The following COLGALT1 variants were observed in gnomAD, a reference collection of about 807,000 sequenced individuals.
COLGALT1 encodes the protein procollagen galactosyltransferase 1.
A neutral mutation model predicts 60.8 loss-of-function variants in COLGALT1; 43 were observed. That is an observed-to-expected ratio of 0.71 (90% CI 0.55 to 0.91). The LOEUF is 0.91. COLGALT1 is among the 40% of genes least tolerant of loss of function. COLGALT1 has a pLI of 0.00. For synonymous variants in COLGALT1, 369 were observed against 374.2 expected (o/e 0.99, Z 0.16); for missense variants, 845 against 880.0 (o/e 0.96, Z 0.50).
chr19:17,562,391 G>A (rs1012170575), intron 3 of COLGALT1, among the ~76,000 whole-genome samples: 43 of 152,074 alleles, frequency 2.8e-4, no homozygotes, highest in African/African-American at 9.2e-4. Context: ...GACCAGGCGC[G>A]GTGGCTCATG....
rs576650060 is a variant in COLGALT1, at chr19:17,559,686, G to T, written c.371+265G>T. Among the ~76,000 whole-genome samples the T allele has an allele frequency of 8.5e-5, 13 of 152,180 alleles. No homozygotes were observed. The South Asian group carries it at 2.7e-3, about 32-fold the overall frequency. On this transcript the variant is annotated intron_variant, in intron 2 of 11. Coordinates refer to ENST00000252599, the MANE Select transcript of COLGALT1 (RefSeq NM_024656.4). The stretch of plus-strand genomic sequence containing the variant: ...GGGACGCCCACTGCTTTGTTCCCTG[G>T]CTCACTGACTCAGTCTTGGTCCCAG...
chr19:17,569,195 A>C (rs2144830212), intron 5 of COLGALT1, among the ~76,000 whole-genome samples: 1 of 152,226 alleles, frequency 6.6e-6, no homozygotes, highest in South Asian at 2.1e-4. Flanking sequence ...CTGGGCAACA[A>C]AGTAAGAATC....
rs1465396700 is a variant in COLGALT1, at chr19:17,555,867, C to T, written c.154C>T (p.Pro52Ser). 3.1e-5 allele frequency: 43 copies of T among 1,378,340 alleles called. No homozygotes were observed. The highest frequency in any genetic ancestry group is 3.9e-5 in the Non-Finnish European group (41 of 1,062,174). 85.4% of individuals were successfully genotyped at this position (1,378,340 alleles called of 1,614,324 possible). The change falls in exon 1 of 12, where the codon CCG becomes TCG. Residue 52 changes from proline (P) to serine (S), a missense_variant. Pro to Ser is a moderately conservative substitution (Grantham distance 74). Transcript: ENST00000252599. ...RWSPESPLQA[P>S]RVLIALLARN... The stretch of plus-strand genomic sequence containing the variant: ...GAGCCCGGAGTCGCCCCTGCAGGCG[C>T]CGCGCGTGCTCATCGCGCTGTTGGC...
chr19:17,558,888 G>T (rs1001842282), intron 1 of COLGALT1, among the ~76,000 whole-genome samples: 1 of 151,942 alleles, frequency 6.6e-6, no homozygotes, highest in Non-Finnish European at 1.5e-5. Flanking sequence ...GGCCGGGCGC[G>T]GTGGCTCACG....
intron 1 of COLGALT1, among the ~76,000 whole-genome samples, chr19:17,557,943 T>C (rs1045331890): frequency 3.3e-5 from 5 of 151,910 alleles, no homozygotes; most frequent in Non-Finnish European, 5.9e-5. Flanking sequence ...ATTTTTTATT[T>C]ATTTATTTTT....
intron 4 of COLGALT1, among the ~76,000 whole-genome samples, chr19:17,567,929 A>C (rs886674403): frequency 6.6e-6 from 1 of 152,148 alleles, no homozygotes; most frequent in African/African-American, 2.4e-5. Flanking sequence ...AGCCTGGGTG[A>C]CGGAGTGAGA....
At chr19:17,560,220 A>C in intron 2 of COLGALT1, 128 bp from the exon 3 acceptor site, 1 of 649,652 alleles carries the variant, frequency 1.5e-6, no homozygotes, top group Non-Finnish European at 2.7e-6. Flanking sequence ...ACTTTTTCCC[A>C]TCCCTCAGAT....
intron 6 of COLGALT1, among the ~76,000 whole-genome samples, chr19:17,576,520 A>C (rs1382276183): frequency 3.0e-5 from 4 of 134,966 alleles, no homozygotes; most frequent in Non-Finnish European, 3.2e-5. Context: ...GCTTAGAGGC[A>C]GGGTTGGGGG....
chr19:17,581,615 G>A lies in COLGALT1; in HGVS notation c.*171G>A. 1.2e-6 allele frequency: 1 copy of A among 865,722 alleles called. No homozygotes were observed. The highest frequency in any genetic ancestry group is 1.7e-6 in the Non-Finnish European group (1 of 579,016). 53.6% of individuals were successfully genotyped at this position (865,722 alleles called of 1,614,324 possible). ...TCACGTGCACACAGGCAGCATTAAT[G>A]GAGTGCCTACTGCATGCCAGCAACA... On this transcript the variant is annotated 3_prime_UTR_variant, in exon 12 of 12. Transcript: ENST00000252599.
At chr19:17,569,775 G>C (rs1264855683) in intron 5 of COLGALT1, among the ~76,000 whole-genome samples, 1 of 150,584 alleles carries the variant, frequency 6.6e-6, no homozygotes, top group Non-Finnish European at 1.5e-5. Flanking sequence ...TATATTAATT[G>C]TTTAATTGGG....
chr19:17,565,239 T>A (rs1395842889), intron 3 of COLGALT1, among the ~76,000 whole-genome samples: 1 of 151,802 alleles, frequency 6.6e-6, no homozygotes, highest in Non-Finnish European at 1.5e-5. Context: ...CACTGCAACC[T>A]CCATCTCCTG....
At chr19:17,578,455 C>G (rs2076358371) in intron 9 of COLGALT1, among the ~76,000 whole-genome samples, 1 of 152,180 alleles carries the variant, frequency 6.6e-6, no homozygotes, top group African/African-American at 2.4e-5. Context: ...AAACCAGCAC[C>G]TGCCCAGTGC....
chr19:17,581,380 G>A lies in COLGALT1; in HGVS notation c.1805G>A (p.Arg602His), dbSNP rs769808117. The change falls in exon 12 of 12, where the codon CGT becomes CAT. Residue 602 changes from arginine (R) to histidine (H), a missense_variant. Physicochemically the swap from Arg to His is conservative, Grantham distance 29 (BLOSUM62 0). Coordinates refer to ENST00000252599, the MANE Select transcript of COLGALT1 (RefSeq NM_024656.4). ...QKMREQQALS[R>H]EAKNSDVLQS... ...ATGCGGGAGCAGCAGGCACTGAGCC[G>A]TGAGGCCAAGAACTCGGACGTGCTC... 15 of 1,612,898 alleles carry A rather than the reference G, an allele frequency of 9.3e-6. No individual in the cohort carries two copies. Among genetic ancestry groups the A allele is most frequent in the Middle Eastern group, 1.6e-4 (1 of 6,062 alleles).
At chr19:17,567,350 C>T in intron 3 of COLGALT1, 56 bp from the exon 4 acceptor site, 1 of 1,605,320 alleles carries the variant, frequency 6.2e-7, no homozygotes, top group Non-Finnish European at 8.5e-7. Flanking sequence ...CCCAGCTGTT[C>T]TGAATGGTAG....
chr19:17,577,824 G>A, intron 8 of COLGALT1, 133 bp from the exon 9 acceptor site: 1 of 1,226,232 alleles, frequency 8.2e-7, no homozygotes, highest in Non-Finnish European at 1.1e-6. Context: ...GGCCCCATGT[G>A]CCCGGAAGGG....
intron 3 of COLGALT1, among the ~76,000 whole-genome samples, chr19:17,562,907 G>A (rs1043628560): frequency 2.0e-5 from 3 of 152,080 alleles, no homozygotes; most frequent in African/African-American, 7.2e-5. Context: ...CCTTTCGCTT[G>A]GTGCCTTATC....
At chr19:17,580,144 G>C (rs1384172770) in intron 10 of COLGALT1, 3 of 184,418 alleles carry the variant, frequency 1.6e-5, no homozygotes, top group Non-Finnish European at 3.5e-5. Flanking sequence ...TGTGGCCGAA[G>C]AGTGTGGGGG....
At chr19:17,566,448 C>T (rs1007042251) in intron 3 of COLGALT1, among the ~76,000 whole-genome samples, 3 of 152,000 alleles carry the variant, frequency 2.0e-5, no homozygotes, top group African/African-American at 4.8e-5. Flanking sequence ...AGAGGGGGAA[C>T]GTCCGGACCT....
intron 10 of COLGALT1, chr19:17,579,922 T>G: frequency 2.9e-6 from 1 of 345,846 alleles, no homozygotes; most frequent in East Asian, 4.9e-5. Flanking sequence ...GCTCACGTGG[T>G]TCCTGGGCCT....
Sources: allele counts gnomAD v4.1 joint callset (sites outside exome capture counted in the v4.1 genomes callset), GRCh38; gene constraint gnomAD v4.1.1; transcripts MANE v1.5; gene names NCBI Gene and HGNC (gene_info 2026-07-23, HGNC 2026-07-21).